Variants in CACNA2D1 observed in about 807,000 individuals in gnomAD.
The protein encoded by CACNA2D1 is voltage-dependent calcium channel subunit alpha-2/delta-1.
CACNA2D1 carries 53 observed loss-of-function variants against 171.5 expected under a neutral mutation model. The ratio of observed to expected loss-of-function variants is 0.31; its 90% CI spans 0.25 to 0.39. The LOEUF (loss-of-function observed/expected upper bound fraction) is 0.39. Ranked by LOEUF, CACNA2D1 falls within the 10% of genes least tolerant of loss-of-function variation. CACNA2D1 has a pLI of 1.00. For synonymous variants in CACNA2D1, 442 were observed against 443.1 expected (o/e 1.00, Z 0.03); for missense variants, 903 against 1,299.8 (o/e 0.69, Z 4.69).
intron 24 of CACNA2D1, among the ~76,000 whole-genome samples, chr7:81,976,321 A>T (rs1369102735): frequency 1.3e-5 from 2 of 152,106 alleles, no homozygotes; most frequent in East Asian, 3.9e-4. Flanking sequence ...TGAATCTATA[A>T]ATTACTTTGG....
chr7:81,991,325 C>T, intron 20 of CACNA2D1, 79 bp from the exon 21 acceptor site: 3 of 785,240 alleles, frequency 3.8e-6, no homozygotes, highest in African/African-American at 1.7e-5. Flanking sequence ...GTAGAATTTA[C>T]TTATAAATTT....
intron 1 of CACNA2D1, among the ~76,000 whole-genome samples, chr7:82,357,553 AAAT>A (rs769123279): frequency 2.0e-5 from 3 of 152,098 alleles, no homozygotes; most frequent in Admixed American, 1.3e-4. Context: ...CCTCTGGAAA[AAAT>A]AATAATGTGT....
At chr7:82,201,905 T>C (rs145537120) in intron 3 of CACNA2D1, among the ~76,000 whole-genome samples, 290 of 152,348 alleles carry the variant, frequency 1.9e-3, no homozygotes, top group Non-Finnish European at 3.5e-3. Context: ...CTGTTCTTCC[T>C]GAGTACCCTC....
intron 1 of CACNA2D1, among the ~76,000 whole-genome samples, chr7:82,427,037 A>G (rs1829257379): frequency 6.6e-6 from 1 of 152,194 alleles, no homozygotes; most frequent in African/African-American, 2.4e-5. Context: ...AGGCAAAAAC[A>G]TAGTATATAT....
intron 1 of CACNA2D1, among the ~76,000 whole-genome samples, chr7:82,415,835 T>G (rs1828116287): frequency 6.6e-6 from 1 of 151,580 alleles, no homozygotes; most frequent in Admixed American, 6.6e-5. Flanking sequence ...TAGATCAGTA[T>G]GTGTACACAT....
rs1821857192 is a variant in CACNA2D1 at position 82,367,365 on chromosome 7, CCTACCAT to C, written c.96-17723_96-17717del. 2.6e-5 allele frequency among the ~76,000 whole-genome samples: 4 copies of C among 152,042 alleles called. No individual in the cohort carries two copies. In the South Asian group the frequency reaches 8.3e-4, roughly 32 times the overall value. On this transcript the variant is annotated intron_variant, in intron 1 of 38. Coordinates refer to ENST00000356860, the MANE Select transcript of CACNA2D1 (RefSeq NM_000722.4). ...CTAACAGTGTCTGCTCTTTTTTCTA[CCTACCAT>C]GCTTTCTCTCCATGCCTTTGTATCT...
chr7:82,402,045 C>T (rs1466447798), intron 1 of CACNA2D1, among the ~76,000 whole-genome samples: 2 of 152,072 alleles, frequency 1.3e-5, no homozygotes, highest in African/African-American at 2.4e-5. Context: ...TATGGCAATA[C>T]GATGTGATAA....
intron 12 of CACNA2D1, chr7:82,021,352 T>G (rs1193053636): frequency 6.6e-6 from 1 of 152,122 alleles, no homozygotes; most frequent in Non-Finnish European, 1.5e-5. Flanking sequence ...TCACTACATT[T>G]TTTATATAAA....
At chr7:82,083,021 T>C (rs2129009018) in intron 7 of CACNA2D1, among the ~76,000 whole-genome samples, 1 of 152,136 alleles carries the variant, frequency 6.6e-6, no homozygotes, top group Admixed American at 6.5e-5. Flanking sequence ...CCATTTTGCA[T>C]GCATTCTTTC....
At chr7:82,254,625 A>C (rs541625322) in intron 3 of CACNA2D1, among the ~76,000 whole-genome samples, 2 of 152,308 alleles carry the variant, frequency 1.3e-5, no homozygotes, top group South Asian at 2.1e-4. Flanking sequence ...AAAAGCATTT[A>C]CATCCCTTTA....
intron 5 of CACNA2D1, among the ~76,000 whole-genome samples, chr7:82,133,274 A>C (rs2129072925): frequency 6.6e-6 from 1 of 152,328 alleles, no homozygotes; most frequent in East Asian, 1.9e-4. Context: ...TACAGATTTC[A>C]CAGATATGTA....
At chr7:82,040,849 C>T (rs1312347269) in intron 10 of CACNA2D1, among the ~76,000 whole-genome samples, 1 of 152,078 alleles carries the variant, frequency 6.6e-6, no homozygotes, top group Non-Finnish European at 1.5e-5. Flanking sequence ...GTGGTGCATG[C>T]TTGTAATGCC....
chr7:82,337,314 C>T (rs73152918), intron 2 of CACNA2D1, among the ~76,000 whole-genome samples: 19,765 of 151,888 alleles, frequency 0.13, 1,909 homozygotes, highest in African/African-American at 0.27. Flanking sequence ...TATATAACTG[C>T]CCGCCAAAAA....
chr7:82,208,048 T>C (rs1333626474), intron 3 of CACNA2D1, among the ~76,000 whole-genome samples: 10 of 152,166 alleles, frequency 6.6e-5, no homozygotes, highest in African/African-American at 2.2e-4. Flanking sequence ...TTGTGCCATA[T>C]ACCTTAAGGG....
chr7:82,427,758 CAT>C (rs2129458341), intron 1 of CACNA2D1, among the ~76,000 whole-genome samples: 1 of 152,260 alleles, frequency 6.6e-6, no homozygotes, highest in East Asian at 1.9e-4. Context: ...TGTTCAAAAG[CAT>C]CAATTTTTTA....
At chr7:82,333,971 A>G (rs150922734) in intron 3 of CACNA2D1, among the ~76,000 whole-genome samples, 139 of 152,324 alleles carry the variant, frequency 9.1e-4, no homozygotes, top group African/African-American at 2.9e-3. Flanking sequence ...ACTTTGCAAT[A>G]AAATTAAGAT....
At chr7:82,153,962 G>T (rs1299921284) in intron 4 of CACNA2D1, among the ~76,000 whole-genome samples, 1 of 152,128 alleles carries the variant, frequency 6.6e-6, no homozygotes, top group African/African-American at 2.4e-5. Context: ...TTGTAATCCT[G>T]TAATTAAGCA....
chr7:82,370,329 G>T (rs918391914), intron 1 of CACNA2D1, among the ~76,000 whole-genome samples: 9 of 151,904 alleles, frequency 5.9e-5, no homozygotes, highest in Non-Finnish European at 1.2e-4. Context: ...GGTTAAGTAT[G>T]AAATTTTGGA....
In CACNA2D1 at chr7:81,991,217, G is replaced by A; in HGVS notation, c.1764C>T (p.Tyr588=). The change falls in exon 21 of 39, where the codon TAC becomes TAT. Residue 588 remains tyrosine (Y), a synonymous_variant. Coordinates refer to ENST00000356860, the MANE Select transcript of CACNA2D1 (RefSeq NM_000722.4). ...CTGTGCCATTGACAGGTGTCCATGT[G>A]TATGTCCTGTTTCCTTTGTCAATAT... ...ERYIDKGNRT[Y]TWTPVNGTDY... The A allele has an allele frequency of 6.5e-7, 1 of 1,539,156 alleles. No individual in the cohort carries two copies. The highest frequency in any genetic ancestry group is 9.0e-7 in the Non-Finnish European group (1 of 1,112,132).
Sources: gnomAD v4.1 joint callset for allele counts (sites outside exome capture counted in the v4.1 genomes callset) on GRCh38, gnomAD v4.1.1 for gene constraint, MANE v1.5 for transcripts, NCBI Gene and HGNC (gene_info 2026-07-23, HGNC 2026-07-21) for gene names.